The following SNX29 variants were observed in gnomAD, a reference collection of about 807,000 sequenced individuals.
The protein encoded by SNX29 is sorting nexin-29.
SNX29 carries 78 observed loss-of-function variants against 102.1 expected under a neutral mutation model. The observed-to-expected ratio is 0.76, with a 90% CI of 0.64 to 0.92. The LOEUF (loss-of-function observed/expected upper bound fraction) is 0.92, where lower values mean the gene tolerates loss of function less well. Ranked by LOEUF, SNX29 falls within the 40% of genes least tolerant of loss-of-function variation. The pLI, the probability that SNX29 is intolerant of heterozygous loss-of-function variation, is 0.00. For missense variants in SNX29, 1,280 were observed against 1,061.7 expected (o/e 1.21, Z -2.86); for synonymous variants, 580 against 414.5 (o/e 1.40, Z -4.85).
intron 15 of SNX29, among the ~76,000 whole-genome samples, chr16:12,301,776 TC>T (rs2151100032): frequency 6.6e-6 from 1 of 152,314 alleles, no homozygotes; most frequent in East Asian, 1.9e-4. Flanking sequence ...TTCTGGTGTT[TC>T]TCTGAGAGGA....
chr16:12,087,429 T>A, intron 11 of SNX29: 1 of 192,748 alleles, frequency 5.2e-6, no homozygotes, highest in Non-Finnish European at 1.1e-5. Flanking sequence ...AATAAACAGA[T>A]TAATAAAGTA....
intron 15 of SNX29, among the ~76,000 whole-genome samples, chr16:12,347,924 A>AAG: frequency 6.6e-6 from 1 of 151,424 alleles, no homozygotes. Flanking sequence ...CAAAAAAAAA[A>AAG]AAAAAATAGG....
At chr16:12,461,977 A>T (rs12931989) in intron 18 of SNX29, among the ~76,000 whole-genome samples, 11 of 49,630 alleles carry the variant, frequency 2.2e-4, no homozygotes, top group African/African-American at 1.5e-3. Flanking sequence ...AAAAAAAAAA[A>T]AATATATATA....
intron 19 of SNX29, among the ~76,000 whole-genome samples, chr16:12,496,592 C>A (rs2088838770): frequency 6.7e-6 from 1 of 149,228 alleles, no homozygotes; most frequent in African/African-American, 2.5e-5. Flanking sequence ...TTCACTGCAA[C>A]CTCTGCCTCC....
chr16:12,110,666 C>T (rs973980973), intron 11 of SNX29, among the ~76,000 whole-genome samples: 2 of 152,130 alleles, frequency 1.3e-5, no homozygotes, highest in African/African-American at 4.8e-5. Flanking sequence ...TGGTCAATGT[C>T]ACTTCACACA....
chr16:12,003,146 G>C (rs961401277), intron 3 of SNX29, 103 bp downstream of exon 3: 1 of 1,436,298 alleles, frequency 7.0e-7, no homozygotes, highest in African/African-American at 1.4e-5. Context: ...AAAGGCGGCA[G>C]AAGGCGGCTG....
chr16:12,511,532 A>G (rs929475060), intron 19 of SNX29, among the ~76,000 whole-genome samples: 1 of 152,196 alleles, frequency 6.6e-6, no homozygotes, highest in Admixed American at 6.5e-5. Flanking sequence ...CTGGGCCTTC[A>G]GCTCCGTGTG....
chr16:12,155,911 C>T (rs901568427), intron 13 of SNX29, among the ~76,000 whole-genome samples: 4 of 152,172 alleles, frequency 2.6e-5, no homozygotes, highest in African/African-American at 9.7e-5. Context: ...GCAGTGGCTC[C>T]CCACTTCCTT....
At chr16:12,546,599 C>T (rs988367713) in intron 20 of SNX29, 10 of 152,168 alleles carry the variant, frequency 6.6e-5, no homozygotes, top group Admixed American at 5.2e-4. Flanking sequence ...AAGGATAATA[C>T]AGGTGGAACA....
intron 20 of SNX29, among the ~76,000 whole-genome samples, chr16:12,534,200 C>G (rs962110692): frequency 6.6e-6 from 1 of 152,202 alleles, no homozygotes; most frequent in African/African-American, 2.4e-5. Context: ...AGTGTGGGCT[C>G]CATGAGAAAG....
At chr16:12,253,684 A>T (rs2078486772) in intron 14 of SNX29, among the ~76,000 whole-genome samples, 1 of 152,186 alleles carries the variant, frequency 6.6e-6, no homozygotes, top group Non-Finnish European at 1.5e-5. Context: ...GGCTTCAGAC[A>T]GTCACATCCC....
Position 12,573,034 on chromosome 16 carries a change from G to T in SNX29, c.*4405G>T, listed in dbSNP as rs34705637. On this transcript the variant is annotated 3_prime_UTR_variant, in exon 21 of 21. Coordinates refer to ENST00000566228, the MANE Select transcript of SNX29 (RefSeq NM_032167.5). Reference sequence around the variant, plus strand: ...ATTTGCTGTTTTTAGATTGGCGTCCGTGCTAATTCTGCAGTTGTAGCACTG... The same window carrying T: ...ATTTGCTGTTTTTAGATTGGCGTCCTTGCTAATTCTGCAGTTGTAGCACTG... The T allele has an allele frequency of 1.2e-3, 300 of 251,706 alleles. 3 individuals are homozygous for T. The highest frequency in any genetic ancestry group is 5.7e-3 in the African/African-American group (260 of 45,612). 15.6% of individuals were successfully genotyped at this position (251,706 alleles called of 1,614,324 possible).
chr16:12,072,346 A>G (rs993313471), intron 10 of SNX29, among the ~76,000 whole-genome samples: 19 of 152,188 alleles, frequency 1.2e-4, no homozygotes, highest in East Asian at 1.9e-4. Context: ...CGTCCCATCA[A>G]TACCTAATTT....
At chr16:12,050,555 A>G (rs1009274182) in intron 7 of SNX29, among the ~76,000 whole-genome samples, 1 of 152,114 alleles carries the variant, frequency 6.6e-6, no homozygotes, top group African/African-American at 2.4e-5. Flanking sequence ...GTCTGGAATC[A>G]GTGCTGGGGC....
chr16:12,394,899 C>G (rs1479829450), intron 16 of SNX29, among the ~76,000 whole-genome samples: 1 of 152,158 alleles, frequency 6.6e-6, no homozygotes, highest in African/African-American at 2.4e-5. Flanking sequence ...AGTGGGCAGC[C>G]TTTGATGATA....
At chr16:12,443,325 A>G (rs2085895809) in intron 18 of SNX29, 1 of 185,106 alleles carries the variant, frequency 5.4e-6, no homozygotes, top group Non-Finnish European at 1.2e-5. Flanking sequence ...CAGCAGAGAG[A>G]GTCTTTGCGC....
chr16:12,278,111 C>G, intron 15 of SNX29, 75 bp downstream of exon 15: 1 of 1,358,058 alleles, frequency 7.4e-7, no homozygotes, highest in East Asian at 2.5e-5. Flanking sequence ...TAGGTCCAGC[C>G]TATTCTAAAG....
At chr16:12,388,063 C>T (rs140183029) in intron 16 of SNX29, among the ~76,000 whole-genome samples, 60 of 152,360 alleles carry the variant, frequency 3.9e-4, no homozygotes, top group East Asian at 2.7e-3. Context: ...TACACATGCT[C>T]GGATTGCCAG....
chr16:12,509,911 C>G (rs1387024991), intron 19 of SNX29, among the ~76,000 whole-genome samples: 1 of 152,244 alleles, frequency 6.6e-6, no homozygotes, highest in Non-Finnish European at 1.5e-5. Flanking sequence ...GGCAGCTGCT[C>G]CAATAGCCTC....
Sources: gnomAD v4.1 joint callset for allele counts (sites outside exome capture counted in the v4.1 genomes callset) on GRCh38, gnomAD v4.1.1 for gene constraint, MANE v1.5 for transcripts, NCBI Gene and HGNC (gene_info 2026-07-23, HGNC 2026-07-21) for gene names.